Variants in KPNA1 observed in about 807,000 individuals in gnomAD.
KPNA1 encodes the protein importin subunit alpha-5.
Under a neutral mutation model 70.5 loss-of-function variants are expected in KPNA1, and 10 were observed. The ratio of observed to expected loss-of-function variants is 0.14; its 90% CI spans 0.09 to 0.24. The LOEUF (loss-of-function observed/expected upper bound fraction) is 0.24. Among genes scored for constraint, KPNA1 ranks in the 10% least tolerant of loss-of-function variants. KPNA1 has a pLI of 1.00. For missense variants in KPNA1, 397 were observed against 637.9 expected, an observed-to-expected ratio of 0.62 and a Z score of 4.07; for synonymous variants, 192 against 221.9, an observed-to-expected ratio of 0.87 and a Z score of 1.20.
intron 5 of KPNA1, among the ~76,000 whole-genome samples, chr3:122,455,617 A>G (rs9846687): frequency 0.51 from 77,383 of 151,898 alleles, 20,192 homozygotes; most frequent in East Asian, 0.65. Context: ...GTGCAATGTC[A>G]CGTTCTCAGC....
chr3:122,453,756 C>G, intron 6 of KPNA1, 114 bp downstream of exon 6: 1 of 955,618 alleles, frequency 1.0e-6, no homozygotes. Context: ...AGGCTGGTCT[C>G]GAACTCCTCG....
intron 11 of KPNA1, 100 bp from the exon 12 acceptor site, chr3:122,433,888 CCTT>C (rs2075948995): frequency 3.5e-6 from 3 of 851,146 alleles, no homozygotes; most frequent in Non-Finnish European, 5.3e-6. Context: ...TATTAACACC[CCTT>C]CTCCTGTCAG....
intron 2 of KPNA1, among the ~76,000 whole-genome samples, chr3:122,485,015 G>A (rs942630604): frequency 1.3e-5 from 2 of 151,934 alleles, no homozygotes; most frequent in African/African-American, 2.4e-5. Flanking sequence ...CTTCTACCTC[G>A]GCCTCTTGAG....
intron 1 of KPNA1, among the ~76,000 whole-genome samples, chr3:122,501,318 G>A (rs1020198772): frequency 6.6e-5 from 10 of 152,100 alleles, no homozygotes; most frequent in South Asian, 6.2e-4. Context: ...AAGCCACCAC[G>A]CCCAGCATCC....
chr3:122,458,684 G>A (rs2076290308), intron 5 of KPNA1, among the ~76,000 whole-genome samples: 1 of 152,192 alleles, frequency 6.6e-6, no homozygotes, highest in Non-Finnish European at 1.5e-5. Context: ...GAGTATCAGG[G>A]ATAGCTTACA....
intron 10 of KPNA1, among the ~76,000 whole-genome samples, chr3:122,441,545 C>A (rs1404720346): frequency 6.6e-6 from 1 of 151,910 alleles, no homozygotes. Context: ...CAAACTACTA[C>A]AAGCAACAGG....
At chr3:122,451,480 A>G (rs2076201968) in intron 8 of KPNA1, 54 bp downstream of exon 8, 1 of 927,006 alleles carries the variant, frequency 1.1e-6, no homozygotes, top group East Asian at 2.5e-5. Context: ...CATTGGTTGC[A>G]ATACTCTTTT....
At chr3:122,472,706 C>T (rs1189084270) in intron 2 of KPNA1, among the ~76,000 whole-genome samples, 2 of 152,142 alleles carry the variant, frequency 1.3e-5, no homozygotes, top group East Asian at 1.9e-4. Context: ...AACAAAAAGA[C>T]AGAGGACACA....
intron 9 of KPNA1, chr3:122,443,090 AC>A (rs2076086874): frequency 6.6e-6 from 1 of 152,266 alleles, no homozygotes; most frequent in Non-Finnish European, 1.5e-5. Context: ...AAATCAGTAC[AC>A]CCCGCCCAAA....
chr3:122,463,047 A>G (rs189476150), intron 4 of KPNA1, among the ~76,000 whole-genome samples: 1 of 152,008 alleles, frequency 6.6e-6, no homozygotes, highest in Admixed American at 6.5e-5. Flanking sequence ...GTGAAATCCT[A>G]TCTCTACTAA....
intron 2 of KPNA1, among the ~76,000 whole-genome samples, chr3:122,483,988 C>T (rs2076601119): frequency 6.6e-6 from 1 of 152,084 alleles, no homozygotes. Context: ...GAATTGTTTC[C>T]TAAAGAAAAC....
intron 2 of KPNA1, among the ~76,000 whole-genome samples, chr3:122,477,229 C>G (rs1219819724): frequency 6.6e-6 from 1 of 152,116 alleles, no homozygotes; most frequent in Non-Finnish European, 1.5e-5. Flanking sequence ...GCCAAACTCA[C>G]AGAAGTAGAG....
At chr3:122,461,036 T>A (rs540035005) in intron 5 of KPNA1, among the ~76,000 whole-genome samples, 188 bp downstream of exon 5, 3 of 152,204 alleles carry the variant, frequency 2.0e-5, no homozygotes, top group African/African-American at 4.8e-5. Flanking sequence ...ATAATAATAA[T>A]AAAGAGTATA....
chr3:122,509,249 A>G (rs78835839), intron 1 of KPNA1, among the ~76,000 whole-genome samples: 1 of 146,904 alleles, frequency 6.8e-6, no homozygotes, highest in African/African-American at 2.5e-5. Context: ...CTATCAAACA[A>G]AAAAAAAAAA....
rs561813393 is a variant in KPNA1 at position 122,444,278 on chromosome 3, C to T, written c.918-2162G>A. On this transcript the variant is annotated intron_variant, in intron 9 of 13. Transcript: ENST00000344337. ...TCTTTTAGAATGCCCAGATTTCATA[C>T]TGTTCAAACACACCTTTCACAAACA... Among the ~76,000 whole-genome samples, 6 of 152,346 alleles carry T rather than the reference C, an allele frequency of 3.9e-5. No homozygotes were observed. In the East Asian group the frequency reaches 1.2e-3, roughly 29 times the overall value.
At chr3:122,452,552 G>GAGAC (rs2076215659) in intron 6 of KPNA1, among the ~76,000 whole-genome samples, 1 of 34,782 alleles carries the variant, frequency 2.9e-5, no homozygotes, top group Admixed American at 2.8e-4. Context: ...GAAGGAGGGA[G>GAGAC]GGAGGGAGGG....
chr3:122,454,941 T>TAAA (rs1364038808), intron 5 of KPNA1, among the ~76,000 whole-genome samples: 1 of 152,256 alleles, frequency 6.6e-6, no homozygotes, highest in Non-Finnish European at 1.5e-5. Flanking sequence ...AGAAATCCAA[T>TAAA]AATGAACTCT....
intron 1 of KPNA1, among the ~76,000 whole-genome samples, chr3:122,499,250 C>T (rs6809584): frequency 0.094 from 14,258 of 152,238 alleles, 830 homozygotes; most frequent in Middle Eastern, 0.16. Context: ...AGAGCAGACA[C>T]CCCTGTCTTA....
chr3:122,460,822 A>G (rs2076316264), intron 5 of KPNA1, among the ~76,000 whole-genome samples: 2 of 152,070 alleles, frequency 1.3e-5, no homozygotes, highest in African/African-American at 4.8e-5. Context: ...AATTAGGAAC[A>G]GATTTGGGAA....
Sources: allele counts gnomAD v4.1 joint callset (sites outside exome capture counted in the v4.1 genomes callset), GRCh38; gene constraint gnomAD v4.1.1; transcripts MANE v1.5; gene names NCBI Gene and HGNC (gene_info 2026-07-23, HGNC 2026-07-21).